The following ADCY3 variants were observed in gnomAD, a reference collection of about 807,000 sequenced individuals.
The protein encoded by ADCY3 is adenylate cyclase type 3.
In ADCY3, 70 loss-of-function variants were observed where a neutral mutation model predicts 119.4. The ratio of observed to expected loss-of-function variants is 0.59; its 90% CI spans 0.48 to 0.72. The LOEUF (loss-of-function observed/expected upper bound fraction) is 0.72, where lower values mean the gene tolerates loss of function less well. ADCY3 is among the 30% of genes least tolerant of loss of function. ADCY3 has a pLI of 0.00. For missense variants in ADCY3, 1,238 were observed against 1,541.6 expected, an observed-to-expected ratio of 0.80 and a Z score of 3.30; for synonymous variants, 672 against 621.4, an observed-to-expected ratio of 1.08 and a Z score of -1.21.
chr2:24,918,009 A>G lies in ADCY3; in HGVS notation c.675+304T>C, dbSNP rs1324377783. Reference sequence around the variant, plus strand: ...GGGTCACTGACAGGGAATGGCCAGGACAATGCTGCCTCAAGACCAGCCCTG... The same window carrying G: ...GGGTCACTGACAGGGAATGGCCAGGGCAATGCTGCCTCAAGACCAGCCCTG... On this transcript the variant is annotated intron_variant, in intron 2 of 21. Coordinates refer to ENST00000679454, the MANE Select transcript of ADCY3 (RefSeq NM_004036.5). This position sits in a 1 kb window ranked among gnomAD's most constrained non-coding sequence, Gnocchi z 5.4. 6.6e-6 allele frequency among the ~76,000 whole-genome samples: 1 copy of G among 152,192 alleles called. No individual in the cohort carries two copies.
In ADCY3 at chr2:24,872,514, C is replaced by G; in HGVS notation, c.825+56G>C. The G allele has an allele frequency of 6.3e-7, 1 of 1,583,572 alleles. No individual in the cohort carries two copies. Among genetic ancestry groups the G allele is most frequent in the Non-Finnish European group, 8.6e-7 (1 of 1,163,878 alleles). On this transcript the variant is annotated intron_variant, in intron 3 of 21. Coordinates refer to ENST00000679454, the MANE Select transcript of ADCY3 (RefSeq NM_004036.5). The surrounding 1 kb of genome is among the most constrained non-coding windows in gnomAD (Gnocchi z 4.4). Reference sequence around the variant, plus strand: ...GCCGCTCTGGTTCCTCTCCCTCTGACAAGGCCACAGTCCCTGAGCCCAAGC... The same window carrying G: ...GCCGCTCTGGTTCCTCTCCCTCTGAGAAGGCCACAGTCCCTGAGCCCAAGC...
At position 24,841,324 on chromosome 2, in the gene ADCY3, G is replaced by A. The variant is rs2241759; in HGVS notation, c.1131C>T (p.Pro377=). ...AGACGGCGTGGTCCTCCCGGTAGTC[G>A]GGCAAGCCGCAGATGCAGTAGTAGC... is the stretch of plus-strand genomic sequence containing the variant. The part of the protein sequence containing the change: ...GDCYYCICGL[P]DYREDHAVCS... The change falls in exon 6 of 22, where the codon CCC becomes CCT. Residue 377 remains proline (P), a synonymous_variant. Coordinates refer to ENST00000679454, the MANE Select transcript of ADCY3 (RefSeq NM_004036.5). The surrounding 1 kb of genome is among the most constrained non-coding windows in gnomAD (Gnocchi z 5.8). The A allele has an allele frequency of 0.49, 784,125 of 1,590,416 alleles. 195,311 individuals are homozygous for A. Among genetic ancestry groups the A allele is most frequent in the East Asian group, 0.71 (31,381 of 44,004 alleles).
Position 24,834,457 on chromosome 2 carries a change from T to TC in ADCY3, c.1967+27dup. 8.2e-7 allele frequency: 1 copy of TC among 1,217,634 alleles called. No homozygotes were observed. Among genetic ancestry groups the TC allele is most frequent in the Non-Finnish European group, 1.1e-6 (1 of 928,292 alleles). The allele number at this position is 1,217,634 out of a possible 1,614,324, so 75.4% of individuals were successfully genotyped here. The stretch of plus-strand genomic sequence containing the variant: ...CCGGCACCACCGCAGCCGAGGAAAC[T>TC]CGTGGCCCTCCCCGGCCCCTCCCTC... On this transcript the variant is annotated intron_variant, in intron 11 of 21. Coordinates refer to ENST00000679454, the MANE Select transcript of ADCY3 (RefSeq NM_004036.5). This position sits in a 1 kb window ranked among gnomAD's most constrained non-coding sequence, Gnocchi z 4.2.
intron 3 of ADCY3, among the ~76,000 whole-genome samples, chr2:24,847,311 C>T (rs1671769033): frequency 6.6e-6 from 1 of 152,166 alleles, no homozygotes; most frequent in African/African-American, 2.4e-5. Flanking sequence ...CCGAGGCCTC[C>T]CCAGCCATGT....
At chr2:24,837,133 G>T in intron 8 of ADCY3, 88 bp from the exon 9 acceptor site, 2 of 1,457,256 alleles carry the variant, frequency 1.4e-6, no homozygotes, top group Non-Finnish European at 9.3e-7. Context: ...GTGGGAGGCG[G>T]TGGGATTAGA....
Position 24,848,645 on chromosome 2 carries a change from C to T in ADCY3, c.826-6261G>A, listed in dbSNP as rs778341587. The stretch of plus-strand genomic sequence containing the variant: ...AAGCAGGAAGGACACAATTCATTGC[C>T]GGCAAGCACTTAGAACAGTGCCTGG... On this transcript the variant is annotated intron_variant, in intron 3 of 21. Coordinates refer to ENST00000679454, the MANE Select transcript of ADCY3 (RefSeq NM_004036.5). Among the ~76,000 whole-genome samples the T allele has an allele frequency of 2.6e-5, 4 of 152,286 alleles. No homozygotes were observed. In the East Asian group the frequency reaches 7.7e-4, roughly 29 times the overall value.
intron 2 of ADCY3, among the ~76,000 whole-genome samples, chr2:24,893,031 C>CTT (rs755410434): frequency 5.5e-4 from 67 of 122,880 alleles, no homozygotes; most frequent in Middle Eastern, 3.6e-3. Context: ...ATCTATGTGT[C>CTT]TTTTTTTTTT....
rs1671137392 is a variant in ADCY3 at position 24,842,514 on chromosome 2, A to G, written c.826-130T>C. 8.1e-7 allele frequency: 1 copy of G among 1,235,972 alleles called. No individual in the cohort carries two copies. Among genetic ancestry groups the G allele is most frequent in the Non-Finnish European group, 1.1e-6 (1 of 891,022 alleles). The allele number at this position is 1,235,972 out of a possible 1,614,324, so 76.6% of individuals were successfully genotyped here. ...GGGAACCATGCTGCCCTCCAGAGAGACCTCACAGATCTGCCTCGGGAGCAG... is the reference window on the plus strand; with the variant it reads ...GGGAACCATGCTGCCCTCCAGAGAGGCCTCACAGATCTGCCTCGGGAGCAG... On this transcript the variant is annotated intron_variant, in intron 3 of 21. Transcript: ENST00000679454. This position sits in a 1 kb window ranked among gnomAD's most constrained non-coding sequence, Gnocchi z 4.9.
chr2:24,918,428 A>T lies in ADCY3; in HGVS notation c.560T>A (p.Leu187His), dbSNP rs1664721685. ...CACGGAGATGATCACGATGGGGCTG[A>T]GGCTGAGGGGCAGCGTGATGAAGAA... is the stretch of plus-strand genomic sequence containing the variant. ...FSFFITLPLS[L>H]SPIVIISVVS... is the part of the protein sequence containing the mutation. The change falls in exon 2 of 22, where the codon CTC becomes CAC. Residue 187 changes from leucine to histidine, a missense_variant. Physicochemically the swap from Leu to His is moderately conservative, Grantham distance 99. Coordinates refer to ENST00000679454, the MANE Select transcript of ADCY3 (RefSeq NM_004036.5). The surrounding 1 kb of genome is among the most constrained non-coding windows in gnomAD (Gnocchi z 5.4). 1 of 1,613,950 alleles carries T rather than the reference A, an allele frequency of 6.2e-7. No homozygotes were observed. The highest frequency in any genetic ancestry group is 2.2e-5 in the East Asian group (1 of 44,872).
chr2:24,823,077 A>T (rs993989344), intron 18 of ADCY3, 132 bp downstream of exon 18: 1 of 1,185,422 alleles, frequency 8.4e-7, no homozygotes, highest in African/African-American at 1.5e-5. Context: ...TGGCTGCAGA[A>T]GTCCATGTAT....
chr2:24,917,561 T>C (rs765130272), intron 2 of ADCY3, among the ~76,000 whole-genome samples: 1 of 152,084 alleles, frequency 6.6e-6, no homozygotes, highest in East Asian at 1.9e-4. Flanking sequence ...AATACTATAA[T>C]AGTTAAGCTG....
intron 3 of ADCY3, among the ~76,000 whole-genome samples, chr2:24,870,752 G>A (rs1259962031): frequency 6.6e-6 from 1 of 152,218 alleles, no homozygotes; most frequent in Non-Finnish European, 1.5e-5. Flanking sequence ...GGCCCTGGGT[G>A]TTAGAAAGCA....
chr2:24,900,369 A>T (rs546304821), intron 2 of ADCY3, among the ~76,000 whole-genome samples: 3 of 151,764 alleles, frequency 2.0e-5, no homozygotes, highest in Admixed American at 6.5e-5. Flanking sequence ...TAAATAAAAA[A>T]TTTTTTAAAA....
chr2:24,846,173 C>G (rs1671631166), intron 3 of ADCY3, among the ~76,000 whole-genome samples: 1 of 152,210 alleles, frequency 6.6e-6, no homozygotes, highest in Non-Finnish European at 1.5e-5. Flanking sequence ...CCCTACTGGG[C>G]CACTGCCTAG....
At chr2:24,887,611 C>A in intron 2 of ADCY3, among the ~76,000 whole-genome samples, 1 of 152,030 alleles carries the variant, frequency 6.6e-6, no homozygotes. Flanking sequence ...CCCATGACCA[C>A]GTGTCCCAGC....
At position 24,866,451 on chromosome 2, in the gene ADCY3, C is replaced by T. The variant is rs561129105; in HGVS notation, c.825+6119G>A. 1.5e-4 allele frequency among the ~76,000 whole-genome samples: 23 copies of T among 151,380 alleles called. No individual in the cohort carries two copies. The South Asian group carries it at 4.8e-3, about 32-fold the overall frequency. ...AATTAGCTGGGCATGGTGGCACACG[C>T]CTGCAGTCCTAGCTACTCAAAAGGC... On this transcript the variant is annotated intron_variant, in intron 3 of 21. Coordinates refer to ENST00000679454, the MANE Select transcript of ADCY3 (RefSeq NM_004036.5).
intron 2 of ADCY3, among the ~76,000 whole-genome samples, chr2:24,875,955 C>G (rs1056878594): frequency 6.7e-6 from 1 of 150,314 alleles, no homozygotes; most frequent in Admixed American, 6.6e-5. Context: ...ACAACCCCAT[C>G]TTTTCCCAGA....
chr2:24,820,954 ACAT>A, intron 20 of ADCY3, 106 bp from the exon 21 acceptor site: 1 of 1,471,468 alleles, frequency 6.8e-7, no homozygotes, highest in East Asian at 2.3e-5. Context: ...CTAATGTAAC[ACAT>A]CATTGTCCTC....
intron 2 of ADCY3, among the ~76,000 whole-genome samples, chr2:24,903,076 G>A (rs1438502210): frequency 6.6e-6 from 1 of 151,554 alleles, no homozygotes; most frequent in Admixed American, 6.6e-5. Context: ...GAACCCGGGA[G>A]GCGAAGATTG....
Sources: allele counts gnomAD v4.1 joint callset (sites outside exome capture counted in the v4.1 genomes callset), GRCh38; gene constraint gnomAD v4.1.1; non-coding constraint Gnocchi (gnomAD v3.1); transcripts MANE v1.5; gene names NCBI Gene and HGNC (gene_info 2026-07-23, HGNC 2026-07-21).